UGT1A7: variants seen among roughly 807,000 people sequenced by gnomAD.
UGT1A7 encodes the protein UDP glucuronosyltransferase family 1 member A7.
In UGT1A7, 33 loss-of-function variants were observed where a neutral mutation model predicts 45.6. The ratio of observed to expected loss-of-function variants is 0.72; its 90% CI spans 0.55 to 0.97. The LOEUF is 0.97. UGT1A7 is among the 50% of genes least tolerant of loss of function. UGT1A7 has a pLI of 0.00. For synonymous variants in UGT1A7, 274 were observed against 250.6 expected (o/e 1.09, Z -0.88); for missense variants, 684 against 666.2 (o/e 1.03, Z -0.29).
At chr2:233,720,760 C>CA (rs931829626) in intron 1 of UGT1A7, among the ~76,000 whole-genome samples, 1 of 148,948 alleles carries the variant, frequency 6.7e-6, no homozygotes, top group African/African-American at 2.5e-5. Context: ...GGCTGGAGGG[C>CA]AGTGGCCGGA....
intron 1 of UGT1A7, chr2:233,691,759 G>A: frequency 2.1e-6 from 1 of 478,956 alleles, no homozygotes; most frequent in South Asian, 8.9e-5. Flanking sequence ...TCTGACTCCT[G>A]CTCTAGGATT....
intron 1 of UGT1A7, chr2:233,712,902 G>T: frequency 4.3e-6 from 7 of 1,609,502 alleles, no homozygotes; most frequent in Non-Finnish European, 5.9e-6. Context: ...TTTGCTAGGT[G>T]TCTCAGTGAC....
chr2:233,724,289 T>C (rs1391719370), intron 1 of UGT1A7, among the ~76,000 whole-genome samples: 13 of 129,340 alleles, frequency 1.0e-4, no homozygotes, highest in African/African-American at 3.0e-4. Flanking sequence ...GGCGGGGGGC[T>C]GACCCCCCCA....
At chr2:233,759,701 C>T (rs910973902) in intron 1 of UGT1A7, among the ~76,000 whole-genome samples, 5 of 149,762 alleles carry the variant, frequency 3.3e-5, no homozygotes, top group Non-Finnish European at 5.9e-5. Context: ...CACCTCATGG[C>T]GCGTGCTCGT....
At chr2:233,721,705 T>G in intron 1 of UGT1A7, 1 of 371,450 alleles carries the variant, frequency 2.7e-6, no homozygotes, top group South Asian at 2.1e-5. Flanking sequence ...ATGGCTCATC[T>G]TGGATGCTTT....
chr2:233,692,652 A>G lies in UGT1A7; in HGVS notation c.855+9860A>G, dbSNP rs952834629. On this transcript the variant is annotated intron_variant, in intron 1 of 4. Coordinates refer to ENST00000373426, the MANE Select transcript of UGT1A7 (RefSeq NM_019077.3). ...AGACAACGTCAATGATGAGGAATCC[A>G]GCAAGTTCGGGATAGAGAATTGGCA... 1.1e-4 allele frequency among the ~76,000 whole-genome samples: 16 copies of G among 152,334 alleles called. 1 individual carries two copies. The highest frequency in any genetic ancestry group is 6.8e-3 in the Middle Eastern group (2 of 294).
At chr2:233,711,587 T>C (rs28898594) in intron 1 of UGT1A7, among the ~76,000 whole-genome samples, 1,733 of 152,338 alleles carry the variant, frequency 0.011, 27 homozygotes, top group African/African-American at 0.04. Context: ...GCCTTCTCTG[T>C]GCCTTCCTGC....
intron 1 of UGT1A7, among the ~76,000 whole-genome samples, chr2:233,730,871 C>T (rs1197291212): frequency 6.6e-6 from 1 of 152,088 alleles, no homozygotes; most frequent in Non-Finnish European, 1.5e-5. Context: ...TACTGCACTC[C>T]AGGTTTCTAT....
At position 233,682,600 on chromosome 2, in the gene UGT1A7, C is replaced by T; in HGVS notation, c.663C>T (p.Pro221=). ...ACTTGGAGGAACATTTATTTTGCCC[C>T]TATTTTTTCAAAAATGTCTTAGAAA... is the stretch of plus-strand genomic sequence containing the variant. ...IMHLEEHLFC[P]YFFKNVLEIA... Residue 221 remains proline (P), a synonymous_variant, in exon 1 of 5, where the codon CCC becomes CCT. Transcript: ENST00000373426. 1 of 1,613,880 alleles carries T rather than the reference C, an allele frequency of 6.2e-7. No individual in the cohort carries two copies. The highest frequency in any genetic ancestry group is 1.3e-5 in the African/African-American group (1 of 75,006).
Position 233,769,941 on chromosome 2 carries a change from T to G in UGT1A7, c.1295+1502T>G. 1 of 227,092 alleles carries G rather than the reference T, an allele frequency of 4.4e-6. No individual in the cohort carries two copies. The highest frequency in any genetic ancestry group is 9.8e-5 in the East Asian group (1 of 10,154). 14.1% of individuals were successfully genotyped at this position (227,092 alleles called of 1,614,324 possible). On this transcript the variant is annotated intron_variant, in intron 4 of 4. Transcript: ENST00000373426. This position sits in a 1 kb window ranked among gnomAD's most constrained non-coding sequence, Gnocchi z 4.4. ...TGGGTGGTGTGGTCCCATTCCTTCC[T>G]TCCAGCGGCTTCTTCTGGCCACCTC...
chr2:233,719,653 G>C (rs759057764), intron 1 of UGT1A7: 1 of 1,613,960 alleles, frequency 6.2e-7, no homozygotes, highest in African/African-American at 1.3e-5. Context: ...TTCATTGGGG[G>C]CATCAACTGT....
rs1321809873 is a variant in UGT1A7 at position 233,772,307 on chromosome 2, C to T, written c.1341C>T (p.Arg447=). The change falls in exon 5 of 5, where the codon CGC becomes CGT. Residue 447 remains arginine (R), a synonymous_variant. Coordinates refer to ENST00000373426, the MANE Select transcript of UGT1A7 (RefSeq NM_019077.3). The stretch of plus-strand genomic sequence containing the variant: ...GCCTCTCCAGCCTTCACAAGGACCG[C>T]CCGGTGGAGCCGCTGGACCTGGCCG... ...IMRLSSLHKD[R]PVEPLDLAVF... 1 of 1,614,232 alleles carries T rather than the reference C, an allele frequency of 6.2e-7. No individual in the cohort carries two copies. The highest frequency in any genetic ancestry group is 8.5e-7 in the Non-Finnish European group (1 of 1,180,050).
At position 233,712,021 on chromosome 2, in the gene UGT1A7, C is replaced by G. The variant is rs28898597; in HGVS notation, c.855+29229C>G. ...TCTGGAGGAACCATTCTTATCAGAA[C>G]TTGGTGCTGGATTGACTTGGAAAAA... On this transcript the variant is annotated intron_variant, in intron 1 of 4. Coordinates refer to ENST00000373426, the MANE Select transcript of UGT1A7 (RefSeq NM_019077.3). Among the ~76,000 whole-genome samples, 636 of 152,326 alleles carry G rather than the reference C, an allele frequency of 4.2e-3. 8 individuals carry two copies. Among genetic ancestry groups the G allele is most frequent in the African/African-American group, 0.015 (604 of 41,568 alleles).
At chr2:233,764,092 C>T (rs973147823) in intron 1 of UGT1A7, among the ~76,000 whole-genome samples, 2 of 152,148 alleles carry the variant, frequency 1.3e-5, no homozygotes, top group African/African-American at 4.8e-5. Context: ...AAAGCCTAAA[C>T]TAAAAATACA....
intron 1 of UGT1A7, among the ~76,000 whole-genome samples, chr2:233,697,101 T>A (rs1420519928): frequency 6.6e-6 from 1 of 152,004 alleles, no homozygotes; most frequent in Non-Finnish European, 1.5e-5. Context: ...ACAGGATGAG[T>A]TTGGAAGTAT....
chr2:233,746,436 G>C (rs1200457799), intron 1 of UGT1A7, among the ~76,000 whole-genome samples: 1 of 151,690 alleles, frequency 6.6e-6, no homozygotes, highest in Non-Finnish European at 1.5e-5. Context: ...TATGTCTTCA[G>C]CTTAAAAAGA....
intron 2 of UGT1A7, 81 bp from the exon 3 acceptor site, chr2:233,767,768 G>A (rs1166342197): frequency 1.9e-5 from 30 of 1,610,020 alleles, no homozygotes; most frequent in Non-Finnish European, 2.5e-5. Flanking sequence ...GAGGACCCCT[G>A]TTTTCTAGTT....
At chr2:233,711,983 C>T (rs1229844576) in intron 1 of UGT1A7, among the ~76,000 whole-genome samples, 4 of 152,190 alleles carry the variant, frequency 2.6e-5, no homozygotes, top group Non-Finnish European at 5.9e-5. Context: ...AGAGCCCCCA[C>T]AAATTATTCT....
intron 1 of UGT1A7, among the ~76,000 whole-genome samples, chr2:233,684,736 A>G (rs45548336): frequency 0.02 from 3,110 of 152,174 alleles, 109 homozygotes; most frequent in African/African-American, 0.071. Context: ...TAGAAAATAA[A>G]TATAATTATC....
Sources: gnomAD v4.1 joint callset for allele counts (sites outside exome capture counted in the v4.1 genomes callset) on GRCh38, gnomAD v4.1.1 for gene constraint, Gnocchi (gnomAD v3.1) non-coding constraint, MANE v1.5 for transcripts, NCBI Gene and HGNC (gene_info 2026-07-23, HGNC 2026-07-21) for gene names.